Variants in IQSEC1 observed in about 807,000 individuals in gnomAD.
The protein encoded by IQSEC1 is IQ motif and Sec7 domain ArfGEF 1, also known as IQ motif and SEC7 domain-containing protein 1.
IQSEC1 carries 31 observed loss-of-function variants against 91.0 expected under a neutral mutation model. That is an observed-to-expected ratio of 0.34 (90% CI 0.26 to 0.46). The LOEUF (loss-of-function observed/expected upper bound fraction) is 0.46. Among genes scored for constraint, IQSEC1 ranks in the 20% least tolerant of loss-of-function variants. IQSEC1 has a pLI of 1.00. For synonymous variants in IQSEC1, 699 were observed against 662.6 expected (o/e 1.05, Z -0.84); for missense variants, 1,388 against 1,575.6 (o/e 0.88, Z 2.02).
Position 13,179,682 on chromosome 3 carries a change from G to A in IQSEC1, c.273-15549C>T, listed in dbSNP as rs545219986. Among the ~76,000 whole-genome samples the A allele has an allele frequency of 3.9e-5, 6 of 152,382 alleles. No individual in the cohort carries two copies. The South Asian group carries it at 1.2e-3, about 32-fold the overall frequency. ...CTTGAGGAGCCCTTCAGCCTGCCAC[G>A]GCACTGTGGGAGCCCCTTTCTGGGC... On this transcript the variant is annotated intron_variant, in intron 1 of 15. Coordinates refer to the IQSEC1 transcript ENST00000648114.
At chr3:13,119,698 G>C (rs1362032841) in intron 2 of IQSEC1, among the ~76,000 whole-genome samples, 2 of 152,254 alleles carry the variant, frequency 1.3e-5, no homozygotes, top group Non-Finnish European at 1.5e-5. Flanking sequence ...AAGGCAGCCT[G>C]GCTGCACGTG....
At position 12,899,565 on chromosome 3, in the gene IQSEC1, A is replaced by ATTTTTTAAT; in HGVS notation, c.*1417_*1418insATTAAAAAA. ...GCTGAGAGTCATGTGATGCCCTGGC[A>ATTTTTTAAT]GCTCACTGGACCATGGGAAGGCAGC... On this transcript the variant is annotated 3_prime_UTR_variant, in exon 14 of 14. Transcript: ENST00000613206. The ATTTTTTAAT allele has an allele frequency of 2.0e-6, 3 of 1,493,562 alleles. No homozygotes were observed. The highest frequency in any genetic ancestry group is 4.5e-5 in the Admixed American group (2 of 44,886). 92.5% of individuals were successfully genotyped at this position (1,493,562 alleles called of 1,614,324 possible).
At chr3:13,155,526 C>A (rs1484962111) in intron 2 of IQSEC1, among the ~76,000 whole-genome samples, 1 of 152,210 alleles carries the variant, frequency 6.6e-6, no homozygotes, top group Non-Finnish European at 1.5e-5. Context: ...ATGGCTTCAA[C>A]TGATGAATTC....
chr3:13,154,419 G>A (rs1707047733), intron 2 of IQSEC1, among the ~76,000 whole-genome samples: 2 of 64,542 alleles, frequency 3.1e-5, no homozygotes, highest in Non-Finnish European at 5.6e-5. Context: ...AAACACACCA[G>A]GAAGCTGGAA....
At chr3:13,147,696 A>T (rs1283166784) in intron 2 of IQSEC1, among the ~76,000 whole-genome samples, 1 of 152,074 alleles carries the variant, frequency 6.6e-6, no homozygotes, top group Non-Finnish European at 1.5e-5. Context: ...GCAGTGGTGC[A>T]CTCTCAGCTC....
intron 1 of IQSEC1, among the ~76,000 whole-genome samples, chr3:13,064,665 C>T (rs142587306): frequency 7.9e-5 from 12 of 152,318 alleles, no homozygotes; most frequent in South Asian, 2.1e-4. Flanking sequence ...CCCTCGACTG[C>T]GAGAGCAGTT....
chr3:12,934,997 GAC>G, intron 3 of IQSEC1, among the ~76,000 whole-genome samples: 1 of 151,934 alleles, frequency 6.6e-6, no homozygotes, highest in South Asian at 2.1e-4. Context: ...TCCCCCACAA[GAC>G]ACAGCCCTGG....
intron 1 of IQSEC1, among the ~76,000 whole-genome samples, chr3:13,221,123 G>A (rs1287591284): frequency 6.6e-6 from 1 of 152,192 alleles, no homozygotes; most frequent in East Asian, 1.9e-4. Flanking sequence ...TGACACCATA[G>A]CAAGGCCTGG....
chr3:12,945,128 C>T lies in IQSEC1; in HGVS notation c.24-3263G>A, dbSNP rs533738412. 2.6e-5 allele frequency among the ~76,000 whole-genome samples: 4 copies of T among 152,314 alleles called. No individual in the cohort carries two copies. The East Asian group carries it at 7.7e-4, about 29-fold the overall frequency. On this transcript the variant is annotated intron_variant, in intron 1 of 13. Coordinates refer to ENST00000613206, the MANE Select transcript of IQSEC1 (RefSeq NM_001134382.3). ...AAGAGATCAGGCGGCAGCCACTGAA[C>T]TCAGAATGGGCAGGAGATGGGAGTG...
chr3:13,283,223 C>T (rs1474494498), exon 1 of IQSEC1, among the ~76,000 whole-genome samples: 1 of 148,702 alleles, frequency 6.7e-6, no homozygotes, highest in East Asian at 2.0e-4. Context: ...CGCGGAGCTG[C>T]GGCCGCAGCG....
rs1705902542 is a variant in IQSEC1 at position 13,093,475 on chromosome 3, G to T, written c.303-45953C>A. 2.0e-5 allele frequency among the ~76,000 whole-genome samples: 3 copies of T among 152,110 alleles called. No individual in the cohort carries two copies. In the South Asian group the frequency reaches 6.2e-4, roughly 32 times the overall value. ...CAGGAGGAGCTGGGCTCCACCTCCT[G>T]CCATGCGCAGACGAGGGGCTTCATC... On this transcript the variant is annotated intron_variant, in intron 2 of 15. Transcript: ENST00000648114.
In IQSEC1 at chr3:12,924,398, C is replaced by T. The variant is rs1008794866; in HGVS notation, c.1730+183G>A. On this transcript the variant is annotated intron_variant, in intron 4 of 13. Coordinates refer to ENST00000613206, the MANE Select transcript of IQSEC1 (RefSeq NM_001134382.3). This position sits in a 1 kb window ranked among gnomAD's most constrained non-coding sequence, Gnocchi z 6.3. ...GCATTGGAGGGCAGGTGCCCACCTG[C>T]GTGCTGGGCAGATGTGGGGCATCTG... Among the ~76,000 whole-genome samples, 3 of 152,078 alleles carry T rather than the reference C, an allele frequency of 2.0e-5. No homozygotes were observed. The highest frequency in any genetic ancestry group is 2.1e-4 in the South Asian group (1 of 4,826).
rs1705497419 is a variant in IQSEC1, at chr3:13,073,284, T to C, written c.-270A>G. On this transcript the variant is annotated 5_prime_UTR_variant, in exon 1 of 14. Coordinates refer to ENST00000613206, the MANE Select transcript of IQSEC1 (RefSeq NM_001134382.3). Reference sequence around the variant, plus strand: ...GAGCGAGGACGTCGAGTAACCGTGGTCGCCAGGCTGGGCGGGGGCGTCCAC... The same window carrying C: ...GAGCGAGGACGTCGAGTAACCGTGGCCGCCAGGCTGGGCGGGGGCGTCCAC... Among the ~76,000 whole-genome samples the C allele has an allele frequency of 6.6e-6, 1 of 152,142 alleles. No individual in the cohort carries two copies. The highest frequency in any genetic ancestry group is 1.5e-5 in the Non-Finnish European group (1 of 68,020).
At chr3:13,257,541 G>T (rs1695312808) in intron 1 of IQSEC1, among the ~76,000 whole-genome samples, 1 of 152,118 alleles carries the variant, frequency 6.6e-6, no homozygotes, top group Non-Finnish European at 1.5e-5. Context: ...CCCGCCTGGT[G>T]CAGTCCACGA....
Position 12,900,866 on chromosome 3 carries a change from A to T in IQSEC1, c.*117T>A, listed in dbSNP as rs1694184853. On this transcript the variant is annotated 3_prime_UTR_variant, in exon 14 of 14. Coordinates refer to ENST00000613206, the MANE Select transcript of IQSEC1 (RefSeq NM_001134382.3). ...GGGCTCCGGTTGGGCCGTGAGGGGC[A>T]GAGGGGAGAGATGGCAACAGAAGTG... 3.3e-6 allele frequency: 5 copies of T among 1,532,116 alleles called. No individual in the cohort carries two copies. 94.9% of individuals were successfully genotyped at this position (1,532,116 alleles called of 1,614,324 possible). A position where few individuals can be genotyped will look rare whatever the true frequency, so the allele number is the denominator to read the frequency against.
chr3:13,162,415 C>T (rs1053128864), intron 2 of IQSEC1, among the ~76,000 whole-genome samples: 1 of 152,148 alleles, frequency 6.6e-6, no homozygotes. Flanking sequence ...TCAGAGCCAG[C>T]CCCAGGGATT....
Position 13,103,179 on chromosome 3 carries a change from G to C in IQSEC1, c.303-55657C>G, listed in dbSNP as rs1706093279. ...CTGGCCCCAGGCAGGTCAGTTCAGG[G>C]AAGGGGCCTGCATCGAACTCTCGCC... On this transcript the variant is annotated intron_variant, in intron 2 of 15. Transcript: ENST00000648114. The surrounding 1 kb of genome is among the most constrained non-coding windows in gnomAD (Gnocchi z 4.1). Among the ~76,000 whole-genome samples, 1 of 152,118 alleles carries C rather than the reference G, an allele frequency of 6.6e-6. No individual in the cohort carries two copies. The highest frequency in any genetic ancestry group is 1.5e-5 in the Non-Finnish European group (1 of 68,030).
At chr3:13,015,645 G>T in intron 1 of IQSEC1, 7 of 985,236 alleles carry the variant, frequency 7.1e-6, no homozygotes, top group Non-Finnish European at 8.4e-6. Flanking sequence ...TGCGGCCCCG[G>T]GGGATGAGCT....
intron 2 of IQSEC1, among the ~76,000 whole-genome samples, chr3:13,150,633 T>C (rs1170710860): frequency 6.6e-6 from 1 of 152,172 alleles, no homozygotes; most frequent in African/African-American, 2.4e-5. Context: ...TATTGGCTCC[T>C]GATGTTTTTA....
Sources: allele counts gnomAD v4.1 joint callset (sites outside exome capture counted in the v4.1 genomes callset), GRCh38; gene constraint gnomAD v4.1.1; non-coding constraint Gnocchi (gnomAD v3.1); transcripts MANE v1.5; gene names NCBI Gene and HGNC (gene_info 2026-07-23, HGNC 2026-07-21).